The following PRKN variants were observed in gnomAD, a reference collection of about 807,000 sequenced individuals.
The protein encoded by PRKN is E3 ubiquitin-protein ligase parkin.
In PRKN, 56 loss-of-function variants were observed where a neutral mutation model predicts 59.5. That is an observed-to-expected ratio of 0.94 (90% CI 0.76 to 1.18). The LOEUF (loss-of-function observed/expected upper bound fraction) is 1.18. PRKN is among the 50% of genes most tolerant of loss of function. The probability of loss-of-function intolerance (pLI) is 0.00; values close to 1 mark genes in which losing one functional copy is unlikely to be tolerated. For synonymous variants in PRKN, 250 were observed against 222.1 expected (o/e 1.13, Z -1.12); for missense variants, 657 against 596.4 (o/e 1.10, Z -1.06).
intron 4 of PRKN, among the ~76,000 whole-genome samples, chr6:162,119,751 T>C (rs1466164628): frequency 1.3e-5 from 2 of 152,234 alleles, no homozygotes; most frequent in Admixed American, 6.5e-5. Context: ...CTGCTTTCTC[T>C]GGGAGGGGAG....
At chr6:162,216,270 C>T (rs1562587642) in intron 3 of PRKN, among the ~76,000 whole-genome samples, 1 of 152,024 alleles carries the variant, frequency 6.6e-6, no homozygotes, top group Non-Finnish European at 1.5e-5. Context: ...GTGGCTCACG[C>T]CTGTAATCCC....
At chr6:162,114,133 T>G (rs1191741455) in intron 4 of PRKN, among the ~76,000 whole-genome samples, 1 of 152,036 alleles carries the variant, frequency 6.6e-6, no homozygotes, top group African/African-American at 2.4e-5. Flanking sequence ...TAGTATAGTT[T>G]GAAGTCAGGT....
Position 162,487,981 on chromosome 6 carries a change from A to G in PRKN, c.8-44508T>C, listed in dbSNP as rs554999598. On this transcript the variant is annotated intron_variant, in intron 1 of 11. Coordinates refer to ENST00000366898, the MANE Select transcript of PRKN (RefSeq NM_004562.3). ...AACACCAAAAAGAAGAGTTTTGCCT[A>G]GACAGCCTCCCAGACATAAGAACAG... 2.0e-5 allele frequency among the ~76,000 whole-genome samples: 3 copies of G among 151,564 alleles called. No homozygotes were observed. In the East Asian group the frequency reaches 5.8e-4, roughly 29 times the overall value.
chr6:161,991,019 A>G (rs1781625417), intron 5 of PRKN, among the ~76,000 whole-genome samples: 1 of 152,216 alleles, frequency 6.6e-6, no homozygotes, highest in African/African-American at 2.4e-5. Flanking sequence ...GTGTCATGTC[A>G]TATATAAAGC....
chr6:162,503,807 C>T (rs1793485677), intron 1 of PRKN, among the ~76,000 whole-genome samples: 1 of 152,156 alleles, frequency 6.6e-6, no homozygotes, highest in Admixed American at 6.5e-5. Flanking sequence ...ATAACCTAAA[C>T]TTACCCAATG....
At chr6:162,007,157 T>G (rs778215864) in intron 5 of PRKN, among the ~76,000 whole-genome samples, 1 of 152,142 alleles carries the variant, frequency 6.6e-6, no homozygotes, top group Admixed American at 6.5e-5. Context: ...CTATTAGTCA[T>G]TTTTCAATAT....
In PRKN at chr6:161,796,426, AC is replaced by A. The variant is rs199660028; in HGVS notation, c.735-10519del. Among the ~76,000 whole-genome samples, 1,030 of 152,330 alleles carry A rather than the reference AC, an allele frequency of 6.8e-3. 14 individuals carry two copies. Among genetic ancestry groups the A allele is most frequent in the African/African-American group, 0.024 (985 of 41,580 alleles). On this transcript the variant is annotated intron_variant, in intron 6 of 11. Transcript: ENST00000366898. ...GTAATTTGTTAGAATGATTTGGTTT[AC>A]CCTAGCTTTCTTGCCGAGGCTTTTA...
At chr6:162,141,397 G>C (rs942618201) in intron 4 of PRKN, among the ~76,000 whole-genome samples, 3 of 152,152 alleles carry the variant, frequency 2.0e-5, no homozygotes, top group African/African-American at 7.2e-5. Context: ...AATGGGTTTT[G>C]ATAAACCAAG....
At chr6:162,223,226 T>C (rs908533962) in intron 3 of PRKN, among the ~76,000 whole-genome samples, 1 of 152,064 alleles carries the variant, frequency 6.6e-6, no homozygotes, top group African/African-American at 2.4e-5. Context: ...CCATGGTGTA[T>C]ATGTGCCACA....
At chr6:162,342,479 G>A (rs1418367242) in intron 2 of PRKN, among the ~76,000 whole-genome samples, 1 of 152,126 alleles carries the variant, frequency 6.6e-6, no homozygotes, top group Non-Finnish European at 1.5e-5. Flanking sequence ...GTGCTATTAT[G>A]ATAAATATTA....
chr6:161,721,687 G>A (rs899804124), intron 7 of PRKN, among the ~76,000 whole-genome samples: 8 of 152,114 alleles, frequency 5.3e-5, no homozygotes, highest in African/African-American at 1.4e-4. Flanking sequence ...CTGGGGCTGC[G>A]TGGATGGCCC....
At chr6:162,282,689 G>A (rs568351144) in intron 2 of PRKN, among the ~76,000 whole-genome samples, 36 of 152,192 alleles carry the variant, frequency 2.4e-4, no homozygotes, top group African/African-American at 5.5e-4. Flanking sequence ...AAAAGAAGGC[G>A]GTCTATTTTT....
intron 2 of PRKN, among the ~76,000 whole-genome samples, chr6:162,361,589 G>A (rs1785143920): frequency 6.6e-6 from 1 of 152,052 alleles, no homozygotes; most frequent in African/African-American, 2.4e-5. Context: ...ATAGTAGCTG[G>A]AGCAGACTAA....
chr6:162,371,156 G>A (rs1046351346), intron 2 of PRKN, among the ~76,000 whole-genome samples: 1 of 152,208 alleles, frequency 6.6e-6, no homozygotes, highest in Non-Finnish European at 1.5e-5. Context: ...TTTGCTCCCA[G>A]GAGAGGCGGG....
intron 5 of PRKN, among the ~76,000 whole-genome samples, chr6:162,005,191 T>C (rs550055611): frequency 1.3e-5 from 2 of 152,322 alleles, no homozygotes; most frequent in South Asian, 2.1e-4. Context: ...ATTTCAAGCA[T>C]GTGCTTCTTC....
chr6:162,431,459 G>A (rs979327873), intron 2 of PRKN, among the ~76,000 whole-genome samples: 1 of 152,124 alleles, frequency 6.6e-6, no homozygotes, highest in Non-Finnish European at 1.5e-5. Context: ...GGCTGAGGCA[G>A]GAGAATTGCT....
rs1323492202 is a variant in PRKN, at chr6:161,444,675, G to A, written c.1084-57798C>T. Among the ~76,000 whole-genome samples, 4 of 152,212 alleles carry A rather than the reference G, an allele frequency of 2.6e-5. No individual in the cohort carries two copies. The highest frequency in any genetic ancestry group is 9.6e-5 in the African/African-American group (4 of 41,458). The stretch of plus-strand genomic sequence containing the variant: ...CTGTCTGCGGGTAGCGAGGGCTCCT[G>A]AGTAACAGCGAGCTTTGCACGAGCG... On this transcript the variant is annotated intron_variant, in intron 9 of 11. Coordinates refer to ENST00000366898, the MANE Select transcript of PRKN (RefSeq NM_004562.3). The surrounding 1 kb of genome is among the most constrained non-coding windows in gnomAD (Gnocchi z 5.6).
At chr6:162,272,955 G>A (rs1461276747) in intron 2 of PRKN, among the ~76,000 whole-genome samples, 5 of 148,808 alleles carry the variant, frequency 3.4e-5, no homozygotes, top group Non-Finnish European at 7.4e-5. Flanking sequence ...AGCCTAGATC[G>A]GGCCACTGCA....
rs1243799661 is a variant in PRKN at position 161,401,288 on chromosome 6, C to T, written c.1084-14411G>A. 6.6e-6 allele frequency among the ~76,000 whole-genome samples: 1 copy of T among 152,080 alleles called. No individual in the cohort carries two copies. On this transcript the variant is annotated intron_variant, in intron 9 of 11. Transcript: ENST00000366898. This position sits in a 1 kb window ranked among gnomAD's most constrained non-coding sequence, Gnocchi z 4.4. ...AAGATCCACCCTACCAAAGGCCAGT[C>T]TTGCTTTAGCACCAAAGAATTAATT...
Sources: gnomAD v4.1 joint callset for allele counts (sites outside exome capture counted in the v4.1 genomes callset) on GRCh38, gnomAD v4.1.1 for gene constraint, Gnocchi (gnomAD v3.1) non-coding constraint, MANE v1.5 for transcripts, NCBI Gene and HGNC (gene_info 2026-07-23, HGNC 2026-07-21) for gene names.